Variants in PIK3CB observed in about 807,000 individuals in gnomAD.
PIK3CB encodes the protein phosphatidylinositol 4,5-bisphosphate 3-kinase catalytic subunit beta isoform.
PIK3CB carries 39 observed loss-of-function variants against 136.8 expected under a neutral mutation model. The ratio of observed to expected loss-of-function variants is 0.29; its 90% CI spans 0.22 to 0.37. The LOEUF (loss-of-function observed/expected upper bound fraction) is 0.37. PIK3CB is among the 10% of genes least tolerant of loss of function. PIK3CB has a pLI of 1.00. For missense variants in PIK3CB, 868 were observed against 1,275.4 expected (o/e 0.68, Z 4.87); for synonymous variants, 428 against 436.6 (o/e 0.98, Z 0.25).
At chr3:138,774,567 G>A (rs903121738) in intron 2 of PIK3CB, among the ~76,000 whole-genome samples, 1 of 152,148 alleles carries the variant, frequency 6.6e-6, no homozygotes, top group African/African-American at 2.4e-5. Flanking sequence ...ATCAATTCTG[G>A]TTCTTGTTTA....
Position 138,799,334 on chromosome 3 carries a change from C to T in PIK3CB, c.-121-2767G>A, listed in dbSNP as rs779242661. Reference sequence around the variant, plus strand: ...CTGGGATTACAGGTGCCTGCTACCACATCTGGCTATTTTTTTTTGTATATT... The same window carrying T: ...CTGGGATTACAGGTGCCTGCTACCATATCTGGCTATTTTTTTTTGTATATT... On this transcript the variant is annotated intron_variant, in intron 1 of 23. Transcript: ENST00000674063. 1.0e-3 allele frequency among the ~76,000 whole-genome samples: 158 copies of T among 151,954 alleles called. 5 individuals carry two copies. Among genetic ancestry groups the T allele is most frequent in the Non-Finnish European group, 7.2e-4 (49 of 67,996 alleles).
At chr3:138,770,469 G>T (rs1361767846) in intron 2 of PIK3CB, 1 of 151,906 alleles carries the variant, frequency 6.6e-6, no homozygotes, top group African/African-American at 2.4e-5. Context: ...CAGCACTCTG[G>T]GGGGCTGAGG....
At chr3:138,690,157 T>C (rs1318174291) in intron 15 of PIK3CB, among the ~76,000 whole-genome samples, 2 of 151,374 alleles carry the variant, frequency 1.3e-5, no homozygotes, top group East Asian at 3.9e-4. Context: ...AAGAAAACCA[T>C]ATTCAGAAAT....
chr3:138,748,156 TACACACACACACACACACACACAC>T, intron 4 of PIK3CB, among the ~76,000 whole-genome samples: 1 of 142,992 alleles, frequency 7.0e-6, no homozygotes, highest in African/African-American at 2.6e-5. Flanking sequence ...TTAGAAATCA[TACACACACACACACACACACACAC>T]ACACACACAC....
chr3:138,700,040 TA>T (rs1324073169), intron 12 of PIK3CB, among the ~76,000 whole-genome samples: 2 of 151,418 alleles, frequency 1.3e-5, no homozygotes, highest in African/African-American at 4.9e-5. Context: ...CTAATTCTAC[TA>T]AAAAAAATAG....
chr3:138,656,909 A>C (rs2108388869), intron 22 of PIK3CB, among the ~76,000 whole-genome samples: 1 of 152,218 alleles, frequency 6.6e-6, no homozygotes, highest in Non-Finnish European at 1.5e-5. Flanking sequence ...CTGAGATTAC[A>C]GGCGTGTGCC....
At chr3:138,820,978 A>C (rs1314669871) in intron 1 of PIK3CB, among the ~76,000 whole-genome samples, 3 of 152,192 alleles carry the variant, frequency 2.0e-5, no homozygotes, top group African/African-American at 7.2e-5. Flanking sequence ...TACCAATAGG[A>C]TAATGCCTAC....
At chr3:138,750,261 A>G (rs1276076602) in intron 4 of PIK3CB, among the ~76,000 whole-genome samples, 1 of 151,832 alleles carries the variant, frequency 6.6e-6, no homozygotes, top group South Asian at 2.1e-4. Context: ...AATATTTATT[A>G]TTTCTTTGTG....
At chr3:138,764,835 T>C (rs371111443) in intron 2 of PIK3CB, among the ~76,000 whole-genome samples, 1 of 152,218 alleles carries the variant, frequency 6.6e-6, no homozygotes, top group African/African-American at 2.4e-5. Flanking sequence ...AAACCTTCCC[T>C]GATACTCCTC....
chr3:138,818,855 T>C (rs1018946270), intron 1 of PIK3CB, among the ~76,000 whole-genome samples: 2 of 152,200 alleles, frequency 1.3e-5, no homozygotes, highest in Non-Finnish European at 2.9e-5. Context: ...ATATGTTATA[T>C]AGAGTCTTAA....
At chr3:138,770,974 T>A (rs1039627212) in intron 2 of PIK3CB, among the ~76,000 whole-genome samples, 3 of 152,052 alleles carry the variant, frequency 2.0e-5, no homozygotes, top group Non-Finnish European at 4.4e-5. Context: ...CCTCCCAAAG[T>A]TCTGGGATTA....
intron 21 of PIK3CB, among the ~76,000 whole-genome samples, chr3:138,661,516 G>A (rs985021613): frequency 6.6e-6 from 1 of 152,130 alleles, no homozygotes; most frequent in African/African-American, 2.4e-5. Context: ...TTGACTTCTT[G>A]AGTTTATATA....
chr3:138,662,161 G>A (rs1256795700), intron 21 of PIK3CB, among the ~76,000 whole-genome samples: 13 of 145,334 alleles, frequency 8.9e-5, no homozygotes, highest in Non-Finnish European at 1.8e-4. Context: ...TGCACAATGT[G>A]CCGGTTAGTT....
intron 2 of PIK3CB, among the ~76,000 whole-genome samples, chr3:138,779,268 A>G (rs1448240524): frequency 2.7e-5 from 4 of 149,848 alleles, no homozygotes; most frequent in Admixed American, 2.0e-4. Context: ...TTGTATTTTT[A>G]GTAGAGACAG....
At chr3:138,705,505 T>C (rs1260863609) in intron 11 of PIK3CB, among the ~76,000 whole-genome samples, 1 of 152,154 alleles carries the variant, frequency 6.6e-6, no homozygotes. Flanking sequence ...CAAAATTTAA[T>C]TTGGTTGTAA....
intron 14 of PIK3CB, among the ~76,000 whole-genome samples, chr3:138,692,352 G>A (rs114855668): frequency 0.014 from 2,136 of 152,236 alleles, 46 homozygotes; most frequent in Middle Eastern, 0.048. Flanking sequence ...TTAGCTACAC[G>A]GAATACACGG....
At chr3:138,709,089 A>T (rs181748814) in intron 10 of PIK3CB, among the ~76,000 whole-genome samples, 1 of 152,258 alleles carries the variant, frequency 6.6e-6, no homozygotes, top group East Asian at 1.9e-4. Context: ...GGCAAAAAAA[A>T]AAGGCATTCA....
chr3:138,697,570 G>A (rs891046240), intron 13 of PIK3CB, among the ~76,000 whole-genome samples: 1 of 152,062 alleles, frequency 6.6e-6, no homozygotes, highest in African/African-American at 2.4e-5. Context: ...CGAGTAGCTG[G>A]AACAGGCGTG....
chr3:138,705,463 T>C (rs1443626814), intron 11 of PIK3CB, among the ~76,000 whole-genome samples: 2 of 152,108 alleles, frequency 1.3e-5, no homozygotes, highest in African/African-American at 4.8e-5. Flanking sequence ...CGTATATGAT[T>C]CTTGCCATAT....
Sources: gnomAD v4.1 joint callset for allele counts (sites outside exome capture counted in the v4.1 genomes callset) on GRCh38, gnomAD v4.1.1 for gene constraint, MANE v1.5 for transcripts, NCBI Gene and HGNC (gene_info 2026-07-23, HGNC 2026-07-21) for gene names.